The following PUDP variants were observed in gnomAD, a reference collection of about 807,000 sequenced individuals.
The protein encoded by PUDP is pseudouridine 5'-phosphatase.
Under a neutral mutation model 9.4 loss-of-function variants are expected in PUDP, and 8 were observed. The ratio of observed to expected loss-of-function variants is 0.85; its 90% CI spans 0.50 to 1.53. The LOEUF is 1.53. Ranked by LOEUF, PUDP falls within the 40% of genes most tolerant of loss-of-function variation. The pLI, the probability that PUDP is intolerant of heterozygous loss-of-function variation, is 0.00. For missense variants in PUDP, 188 were observed against 189.7 expected (o/e 0.99, Z 0.05); for synonymous variants, 99 against 80.7 (o/e 1.23, Z -1.22).
At chrX:7,040,188 G>A (rs1929903230) in intron 1 of PUDP, among the ~76,000 whole-genome samples, 1 of 111,668 alleles carries the variant, frequency 9.0e-6, no homozygotes, top group African/African-American at 3.3e-5. Flanking sequence ...CACTGGTGTG[G>A]GGGTGGGATT....
At position 6,740,620 on chromosome X, in the gene PUDP, T is replaced by G. The variant is rs1425552239; in HGVS notation, c.*248-34154A>C. On this transcript the variant is annotated intron_variant and NMD_transcript_variant, in intron 3 of 3. Transcript: ENST00000655425. ...CCTTTTCCAACATAAGATCATACAT[T>G]AAATTTAAATAATAGCCTTATTAAT... 3.6e-5 allele frequency among the ~76,000 whole-genome samples: 4 copies of G among 111,505 alleles called. No homozygotes were observed. The Admixed American group carries it at 3.8e-4, about 11-fold the overall frequency.
intron 2 of PUDP, among the ~76,000 whole-genome samples, chrX:7,102,797 T>C (rs1453176202): frequency 5.4e-5 from 6 of 111,025 alleles, no homozygotes; most frequent in African/African-American, 2.0e-4. Context: ...ATACTAACAA[T>C]GAACAAGTTG....
upstream of PUDP, among the ~76,000 whole-genome samples, chrX:6,724,501 CAAAAAAA>C (rs1170392595): frequency 4.4e-5 from 2 of 45,447 alleles, no homozygotes; most frequent in Non-Finnish European, 7.8e-5. Context: ...ATTCTCTCTC[CAAAAAAA>C]AAAAAAAAAA....
intron 3 of PUDP, among the ~76,000 whole-genome samples, chrX:6,854,795 G>A (rs1260607480): frequency 9.1e-6 from 1 of 109,705 alleles, no homozygotes; most frequent in Non-Finnish European, 1.9e-5. Flanking sequence ...AGAGGAGGAG[G>A]AAGAAAAGGG....
At chrX:7,126,905 A>C (rs1476108192) in intron 1 of PUDP, among the ~76,000 whole-genome samples, 1 of 111,750 alleles carries the variant, frequency 8.9e-6, no homozygotes, top group Non-Finnish European at 1.9e-5. Context: ...GATGAAGAAG[A>C]TCACTAAGAA....
intron 3 of PUDP, among the ~76,000 whole-genome samples, chrX:6,966,509 G>A (rs1165954149): frequency 1.9e-5 from 2 of 106,947 alleles, no homozygotes; most frequent in African/African-American, 6.8e-5. Flanking sequence ...AATATTGAAA[G>A]TTGTGTTTGA....
intron 1 of PUDP, among the ~76,000 whole-genome samples, chrX:6,995,123 C>A (rs1243979780): frequency 9.2e-6 from 1 of 109,179 alleles, no homozygotes. Flanking sequence ...TTTTTTAAAG[C>A]TCAAAATAAT....
intron 3 of PUDP, among the ~76,000 whole-genome samples, chrX:6,822,773 G>T (rs757185464): frequency 9.2e-6 from 1 of 108,134 alleles, no homozygotes; most frequent in South Asian, 4.2e-4. Flanking sequence ...GTGTCATGGG[G>T]GTTTTCTGTA....
intron 1 of PUDP, among the ~76,000 whole-genome samples, chrX:7,138,375 ATT>A (rs60028627): frequency 1.1e-4 from 11 of 100,528 alleles, no homozygotes; most frequent in African/African-American, 2.9e-4. Flanking sequence ...TTAATCTAGT[ATT>A]TTTTTTTTTT....
At chrX:7,070,049 T>C (rs1189688122) in intron 3 of PUDP, among the ~76,000 whole-genome samples, 2 of 111,998 alleles carry the variant, frequency 1.8e-5, no homozygotes, top group Non-Finnish European at 3.8e-5. Context: ...ATCTTTACTC[T>C]TGATAGTCTG....
intron 3 of PUDP, among the ~76,000 whole-genome samples, chrX:6,907,903 AT>A (rs1196923549): frequency 8.9e-6 from 1 of 112,351 alleles, no homozygotes; most frequent in African/African-American, 3.2e-5. Context: ...AGCTGCCAAT[AT>A]CTCACTTCCA....
intron 3 of PUDP, among the ~76,000 whole-genome samples, chrX:6,816,741 G>C (rs1327469036): frequency 1.1e-5 from 1 of 90,094 alleles, no homozygotes; most frequent in Non-Finnish European, 2.1e-5. Context: ...TACACACATA[G>C]TATATACGAT....
chrX:7,137,516 C>T (rs923305169), intron 1 of PUDP, among the ~76,000 whole-genome samples: 2 of 111,958 alleles, frequency 1.8e-5, no homozygotes, highest in Non-Finnish European at 3.8e-5. Context: ...CACTGCACTC[C>T]AGCCTGGGCG....
intron 3 of PUDP, among the ~76,000 whole-genome samples, chrX:6,757,986 G>A (rs1399177139): frequency 4.5e-5 from 5 of 112,141 alleles, no homozygotes; most frequent in Non-Finnish European, 7.5e-5. Flanking sequence ...AATGGATATC[G>A]TTTCGATGTG....
At chrX:6,756,522 G>A (rs1391287409) in intron 3 of PUDP, among the ~76,000 whole-genome samples, 1 of 112,115 alleles carries the variant, frequency 8.9e-6, no homozygotes, top group African/African-American at 3.2e-5. Context: ...ACAACTTTGT[G>A]AACAAAAGCC....
At chrX:6,946,945 T>C (rs1928472826) in intron 3 of PUDP, among the ~76,000 whole-genome samples, 1 of 110,028 alleles carries the variant, frequency 9.1e-6, no homozygotes, top group South Asian at 3.8e-4. Flanking sequence ...GAAAAGCTGT[T>C]TTAAAAGTTG....
chrX:6,731,190 C>T (rs923464017), intron 3 of PUDP, among the ~76,000 whole-genome samples: 1 of 112,285 alleles, frequency 8.9e-6, no homozygotes, highest in Admixed American at 9.4e-5. Flanking sequence ...CCTGTCTCAG[C>T]CCCCTGAGTA....
At chrX:6,858,666 T>C (rs1232625027) in intron 3 of PUDP, among the ~76,000 whole-genome samples, 1 of 111,703 alleles carries the variant, frequency 9.0e-6, no homozygotes, top group Non-Finnish European at 1.9e-5. Context: ...GTATAGTACT[T>C]CCTGATTTAG....
chrX:6,785,979 G>A (rs914583705), intron 3 of PUDP, among the ~76,000 whole-genome samples: 1 of 111,095 alleles, frequency 9.0e-6, no homozygotes, highest in Non-Finnish European at 1.9e-5. Context: ...ATTCTTGTCT[G>A]AGAAATGACT....
Sources: gnomAD v4.1 joint callset for allele counts (sites outside exome capture counted in the v4.1 genomes callset) on GRCh38, gnomAD v4.1.1 for gene constraint, MANE v1.5 for transcripts, NCBI Gene and HGNC (gene_info 2026-07-23, HGNC 2026-07-21) for gene names.